CHD6: variants seen among roughly 807,000 people sequenced by gnomAD.
CHD6 encodes the protein chromodomain helicase DNA binding protein 6, also known as ATP-dependent chromatin remodeler CHD6.
Under a neutral mutation model 276.9 loss-of-function variants are expected in CHD6, and 50 were observed. The observed-to-expected ratio is 0.18, with a 90% confidence interval of 0.14 to 0.23. The LOEUF is 0.23. Among genes scored for constraint, CHD6 ranks in the 10% least tolerant of loss-of-function variants. The probability of loss-of-function intolerance (pLI) is 1.00; values close to 1 mark genes in which losing one functional copy is unlikely to be tolerated. For synonymous variants in CHD6, 1,173 were observed against 1,229.3 expected, an observed-to-expected ratio of 0.95 and a Z score of 0.96; for missense variants, 2,564 against 3,365.8, an observed-to-expected ratio of 0.76 and a Z score of 5.89.
At chr20:41,406,135 G>A (rs538034513) in intron 36 of CHD6, among the ~76,000 whole-genome samples, 3 of 152,298 alleles carry the variant, frequency 2.0e-5, no homozygotes, top group African/African-American at 7.2e-5. Flanking sequence ...TTTATTGTGT[G>A]TATGCCCCAC....
chr20:41,423,069 G>T (rs1259369904), intron 30 of CHD6, among the ~76,000 whole-genome samples: 2 of 152,186 alleles, frequency 1.3e-5, no homozygotes, highest in Admixed American at 1.3e-4. Flanking sequence ...ATATTTAAAT[G>T]ACAGCCACTT....
intron 1 of CHD6, among the ~76,000 whole-genome samples, chr20:41,604,045 A>G (rs1385299525): frequency 2.0e-5 from 3 of 151,658 alleles, no homozygotes; most frequent in Non-Finnish European, 4.4e-5. Flanking sequence ...AGGGGGTGTC[A>G]GGGAGAACAG....
At chr20:41,416,447 T>C (rs1349687303) in intron 33 of CHD6, 141 bp downstream of exon 33, 1 of 692,904 alleles carries the variant, frequency 1.4e-6, no homozygotes, top group Non-Finnish European at 2.4e-6. Flanking sequence ...AAAGTCTAAA[T>C]TCCCCAATCA....
At chr20:41,609,855 C>CTTTTTTTTTTTT (rs369159347) in intron 1 of CHD6, among the ~76,000 whole-genome samples, 1 of 128,226 alleles carries the variant, frequency 7.8e-6, no homozygotes, top group Admixed American at 8.1e-5. Flanking sequence ...TTTCTTTTTT[C>CTTTTTTTTTTTT]TTTTTTTTTT....
In CHD6 at chr20:41,425,298, T is replaced by C. The variant is rs946501731; in HGVS notation, c.4226A>G (p.Asn1409Ser). ...RRLVTVYQRC[N>S]RKELCRPEIL... ...TTCAGGCCGGCACAGTTCCTTGCGG[T>C]TGCAGCGCTGGTAAACAGTGACCAG... Residue 1409 changes from asparagine to serine, a missense_variant, in exon 29 of 37, where the codon AAC becomes AGC. Physicochemically the swap from Asn to Ser is conservative, Grantham distance 46 (BLOSUM62 1). Transcript: ENST00000373233. 1.5e-5 allele frequency: 24 copies of C among 1,614,062 alleles called. No individual in the cohort carries two copies. The highest frequency in any genetic ancestry group is 1.9e-5 in the Non-Finnish European group (22 of 1,180,052).
At chr20:41,467,282 G>C (rs1027618662) in intron 17 of CHD6, among the ~76,000 whole-genome samples, 1 of 151,722 alleles carries the variant, frequency 6.6e-6, no homozygotes, top group Non-Finnish European at 1.5e-5. Context: ...TTTCCTAAGA[G>C]AACTCAATAA....
At position 41,447,866 on chromosome 20, in the gene CHD6, G is replaced by A; in HGVS notation, c.3773+16C>T. The A allele has an allele frequency of 6.3e-7, 1 of 1,576,594 alleles. No homozygotes were observed. Among genetic ancestry groups the A allele is most frequent in the Non-Finnish European group, 8.7e-7 (1 of 1,150,708 alleles). On this transcript the variant is annotated intron_variant, in intron 24 of 36. Coordinates refer to ENST00000373233, the MANE Select transcript of CHD6 (RefSeq NM_032221.5). ...CAATTCTTTAACGTTGATATGTTAA[G>A]TTTCATTTGCTTTACCTGGCAGGAG...
intron 10 of CHD6, 40 bp downstream of exon 10, chr20:41,493,498 A>G (rs759341356): frequency 6.3e-7 from 1 of 1,593,340 alleles, no homozygotes; most frequent in Non-Finnish European, 8.6e-7. Context: ...ATAAAATTAC[A>G]TGTTCCGAGA....
At chr20:41,609,851 T>C (rs1048646765) in intron 1 of CHD6, among the ~76,000 whole-genome samples, 1 of 149,654 alleles carries the variant, frequency 6.7e-6, no homozygotes, top group Non-Finnish European at 1.5e-5. Context: ...TTTTTTTCTT[T>C]TTTCTTTTTT....
At chr20:41,413,586 G>A in intron 34 of CHD6, 71 bp from the exon 35 acceptor site, 1 of 1,273,486 alleles carries the variant, frequency 7.9e-7, no homozygotes, top group Non-Finnish European at 1.1e-6. Flanking sequence ...AAGAAAACAT[G>A]TAAGGTGTTA....
chr20:41,592,713 A>G (rs1190464485), intron 1 of CHD6, among the ~76,000 whole-genome samples: 2 of 152,192 alleles, frequency 1.3e-5, no homozygotes, highest in Non-Finnish European at 2.9e-5. Flanking sequence ...TAAGGGAAGG[A>G]ACAAAAAGGC....
chr20:41,415,648 C>T lies in CHD6; in HGVS notation c.6487-10G>A. 1.3e-6 allele frequency: 2 copies of T among 1,559,228 alleles called. No individual in the cohort carries two copies. The highest frequency in any genetic ancestry group is 2.7e-5 in the African/African-American group (2 of 73,512). Reference sequence around the variant, plus strand: ...GAGCTAAGAAGCTCTCCTGTGAACACACAAACAGCAAGAGAGGTCTGAATG... The same window carrying T: ...GAGCTAAGAAGCTCTCCTGTGAACATACAAACAGCAAGAGAGGTCTGAATG... On this transcript the variant is annotated splice_polypyrimidine_tract_variant and intron_variant, in intron 33 of 36. Coordinates refer to ENST00000373233, the MANE Select transcript of CHD6 (RefSeq NM_032221.5).
chr20:41,564,273 A>G, intron 1 of CHD6: 2 of 579,002 alleles, frequency 3.5e-6, no homozygotes, highest in South Asian at 2.3e-5. Context: ...TTTCCAAAAC[A>G]GCATATAAGA....
intron 1 of CHD6, among the ~76,000 whole-genome samples, chr20:41,571,501 C>A (rs1444170458): frequency 6.6e-6 from 1 of 151,212 alleles, no homozygotes; most frequent in East Asian, 1.9e-4. Flanking sequence ...AAGTGATTCT[C>A]CTGCCTCAGC....
At chr20:41,462,639 A>T (rs2042828205) in intron 17 of CHD6, among the ~76,000 whole-genome samples, 1 of 152,236 alleles carries the variant, frequency 6.6e-6, no homozygotes, top group Non-Finnish European at 1.5e-5. Context: ...GCTAGAATGA[A>T]TTGGAGGTAT....
chr20:41,528,549 C>T (rs1052818561), intron 3 of CHD6, among the ~76,000 whole-genome samples: 29 of 152,056 alleles, frequency 1.9e-4, no homozygotes, highest in African/African-American at 6.8e-4. Flanking sequence ...TTAAGTTTTA[C>T]ACAATAAAGG....
intron 2 of CHD6, among the ~76,000 whole-genome samples, chr20:41,546,755 TA>T (rs2045050765): frequency 6.6e-6 from 1 of 152,216 alleles, no homozygotes; most frequent in Non-Finnish European, 1.5e-5. Flanking sequence ...AGAATTAAAA[TA>T]ACGTATTTCT....
At chr20:41,501,130 C>T (rs1034346405) in intron 5 of CHD6, among the ~76,000 whole-genome samples, 1 of 152,184 alleles carries the variant, frequency 6.6e-6, no homozygotes, top group African/African-American at 2.4e-5. Flanking sequence ...CTTCCTACCT[C>T]ATTTCCTTCC....
chr20:41,414,198 G>A (rs1020227216), intron 34 of CHD6: 3 of 152,204 alleles, frequency 2.0e-5, no homozygotes, highest in Admixed American at 1.3e-4. Context: ...AAGTCTAAGA[G>A]GAAGACATAA....
Sources: allele counts gnomAD v4.1 joint callset (sites outside exome capture counted in the v4.1 genomes callset), GRCh38; gene constraint gnomAD v4.1.1; transcripts MANE v1.5; gene names NCBI Gene and HGNC (gene_info 2026-07-23, HGNC 2026-07-21).